The following PRKN variants were observed in gnomAD, a reference collection of about 807,000 sequenced individuals.
PRKN encodes the protein parkin RBR E3 ubiquitin protein ligase, also known as E3 ubiquitin-protein ligase parkin.
Under a neutral mutation model 59.5 loss-of-function variants are expected in PRKN, and 56 were observed. That is an observed-to-expected ratio of 0.94 (90% CI 0.76 to 1.18). The LOEUF (loss-of-function observed/expected upper bound fraction) is 1.18, where lower values mean the gene tolerates loss of function less well. Ranked by LOEUF, PRKN falls within the 50% of genes most tolerant of loss-of-function variation. The pLI, the probability that PRKN is intolerant of heterozygous loss-of-function variation, is 0.00. For synonymous variants in PRKN, 250 were observed against 222.1 expected (o/e 1.13, Z -1.12); for missense variants, 657 against 596.4 (o/e 1.10, Z -1.06).
intron 6 of PRKN, among the ~76,000 whole-genome samples, chr6:161,905,916 C>G (rs911149355): frequency 1.4e-5 from 2 of 140,806 alleles, no homozygotes; most frequent in Non-Finnish European, 3.0e-5. Context: ...GCCAAGATCA[C>G]ACCACTGCAT....
At chr6:161,540,263 G>A (rs917108108) in intron 9 of PRKN, among the ~76,000 whole-genome samples, 10 of 152,178 alleles carry the variant, frequency 6.6e-5, no homozygotes, top group Non-Finnish European at 1.3e-4. Flanking sequence ...GGTGACACTC[G>A]CCCTATGAAA....
At chr6:161,996,877 A>C (rs1781867428) in intron 5 of PRKN, among the ~76,000 whole-genome samples, 1 of 152,070 alleles carries the variant, frequency 6.6e-6, no homozygotes, top group Non-Finnish European at 1.5e-5. Context: ...GAAAGCACCT[A>C]AATCATCATG....
At chr6:162,456,830 T>C (rs116995988) in intron 1 of PRKN, among the ~76,000 whole-genome samples, 2,360 of 152,328 alleles carry the variant, frequency 0.015, 29 homozygotes, top group Non-Finnish European at 0.024. Context: ...CTATAACTAA[T>C]GCCTTAACTA....
intron 1 of PRKN, among the ~76,000 whole-genome samples, chr6:162,528,946 C>G (rs1419120191): frequency 6.6e-6 from 1 of 152,068 alleles, no homozygotes; most frequent in Non-Finnish European, 1.5e-5. Context: ...GGCGTGATCT[C>G]GGCTCACTGC....
intron 4 of PRKN, among the ~76,000 whole-genome samples, chr6:162,131,962 ACACCAACAC>A (rs1781379801): frequency 6.6e-6 from 1 of 152,170 alleles, no homozygotes; most frequent in African/African-American, 2.4e-5. Flanking sequence ...GTGGACTTGC[ACACCAACAC>A]CGCCGACGTG....
intron 7 of PRKN, among the ~76,000 whole-genome samples, chr6:161,645,182 G>A (rs751727112): frequency 4.6e-5 from 7 of 151,130 alleles, no homozygotes; most frequent in Non-Finnish European, 7.4e-5. Flanking sequence ...CAAAATATAT[G>A]ACTGATGATG....
At chr6:162,313,511 T>C (rs1782617787) in intron 2 of PRKN, among the ~76,000 whole-genome samples, 1 of 152,084 alleles carries the variant, frequency 6.6e-6, no homozygotes, top group Admixed American at 6.6e-5. Flanking sequence ...TTTTGAAATG[T>C]AGTTTTGCTC....
At chr6:161,591,821 C>T (rs1781736007) in intron 7 of PRKN, among the ~76,000 whole-genome samples, 1 of 152,236 alleles carries the variant, frequency 6.6e-6, no homozygotes, top group South Asian at 2.1e-4. Flanking sequence ...AGGAATAATG[C>T]CATTTTTACC....
chr6:161,424,213 T>C (rs1008894502), intron 9 of PRKN, among the ~76,000 whole-genome samples: 1 of 151,744 alleles, frequency 6.6e-6, no homozygotes, highest in Non-Finnish European at 1.5e-5. Context: ...GGTGGGTGCC[T>C]GTAATCCCAG....
chr6:161,756,319 G>A (rs183848544), intron 7 of PRKN, among the ~76,000 whole-genome samples: 120 of 151,740 alleles, frequency 7.9e-4, no homozygotes, highest in African/African-American at 2.8e-3. Context: ...GTGCACACCC[G>A]TAATCCCAGC....
intron 2 of PRKN, among the ~76,000 whole-genome samples, chr6:162,282,727 G>C (rs1583312081): frequency 6.6e-6 from 1 of 152,168 alleles, no homozygotes; most frequent in Non-Finnish European, 1.5e-5. Context: ...TTGCAGAATA[G>C]CATGCACTAT....
chr6:162,671,367 C>T (rs199562100), intron 1 of PRKN, among the ~76,000 whole-genome samples: 29 of 151,826 alleles, frequency 1.9e-4, no homozygotes, highest in Non-Finnish European at 3.5e-4. Flanking sequence ...GGTGTGGTGG[C>T]GCGCGCCTGT....
intron 1 of PRKN, among the ~76,000 whole-genome samples, chr6:162,679,754 T>A (rs1779698700): frequency 6.6e-6 from 1 of 152,146 alleles, no homozygotes; most frequent in Non-Finnish European, 1.5e-5. Context: ...ATACTTTACT[T>A]CAGTATCAAT....
intron 6 of PRKN, among the ~76,000 whole-genome samples, chr6:161,802,472 C>T (rs539721088): frequency 2.0e-5 from 3 of 151,144 alleles, no homozygotes; most frequent in Admixed American, 6.6e-5. Context: ...GACCCACACA[C>T]GCCCCCCACA....
At chr6:161,963,275 C>A (rs192312790) in intron 6 of PRKN, among the ~76,000 whole-genome samples, 330 of 152,316 alleles carry the variant, frequency 2.2e-3, no homozygotes, top group African/African-American at 5.9e-3. Context: ...CCAGGATTTG[C>A]AATATTGCCC....
intron 7 of PRKN, among the ~76,000 whole-genome samples, chr6:161,691,026 C>T (rs1376950498): frequency 1.4e-5 from 2 of 145,672 alleles, no homozygotes; most frequent in South Asian, 2.2e-4. Context: ...TCCATCCATC[C>T]GTCCTCCTTT....
At chr6:161,375,890 G>A (rs928149449) in intron 10 of PRKN, among the ~76,000 whole-genome samples, 3 of 152,194 alleles carry the variant, frequency 2.0e-5, no homozygotes, top group Non-Finnish European at 2.9e-5. Context: ...CTTAGGCGGC[G>A]GGTCCAGGGT....
intron 1 of PRKN, among the ~76,000 whole-genome samples, chr6:162,671,894 T>C (rs371929952): frequency 1.3e-5 from 2 of 151,484 alleles, no homozygotes; most frequent in African/African-American, 4.8e-5. Context: ...GGGAGGTAGG[T>C]TGGATGAGGG....
intron 1 of PRKN, chr6:162,624,336 C>T (rs1174817180): frequency 6.6e-6 from 1 of 151,724 alleles, no homozygotes; most frequent in Non-Finnish European, 1.5e-5. Flanking sequence ...TTAAAATTTA[C>T]AAGTATAGAT....
Sources: gnomAD v4.1 joint callset for allele counts (sites outside exome capture counted in the v4.1 genomes callset) on GRCh38, gnomAD v4.1.1 for gene constraint, MANE v1.5 for transcripts, NCBI Gene and HGNC (gene_info 2026-07-23, HGNC 2026-07-21) for gene names.